DPRX: variants seen among roughly 807,000 people sequenced by gnomAD.
The protein encoded by DPRX is divergent paired-related homeobox.
DPRX carries 11 observed loss-of-function variants against 8.4 expected under a neutral mutation model. The ratio of observed to expected loss-of-function variants is 1.31; its 90% CI spans 0.82 to 2.17. DPRX has a LOEUF of 2.17. Ranked by LOEUF, DPRX falls within the 30% of genes most tolerant of loss-of-function variation. The pLI is 0.00. For synonymous variants in DPRX, 72 were observed against 87.0 expected (o/e 0.83, Z 0.96); for missense variants, 211 against 236.7 (o/e 0.89, Z 0.71).
the DPRX span, among the ~76,000 whole-genome samples, chr19:53,619,785 G>A: frequency 2.8e-4 from 42 of 150,918 alleles, no homozygotes; most frequent in Middle Eastern, 3.4e-3. Context: ...AACCTGGGAG[G>A]TGGAGATTGC....
intron 2 of DPRX, 144 bp downstream of exon 2, chr19:53,634,829 T>C: frequency 8.3e-7 from 1 of 1,200,986 alleles, no homozygotes; most frequent in Non-Finnish European, 1.1e-6. Context: ...CCCGTAAACC[T>C]TTCTTCAACC....
chr19:53,626,896 T>A, the DPRX span, among the ~76,000 whole-genome samples: 1 of 151,990 alleles, frequency 6.6e-6, no homozygotes, highest in Admixed American at 6.6e-5. Flanking sequence ...GAGTCAGGGT[T>A]TCACTATGTT....
the DPRX span, among the ~76,000 whole-genome samples, chr19:53,620,766 G>C: frequency 6.6e-6 from 1 of 151,842 alleles, no homozygotes; most frequent in Non-Finnish European, 1.5e-5. Flanking sequence ...TCTAAATTTT[G>C]TATTTTTAGT....
the DPRX span, among the ~76,000 whole-genome samples, chr19:53,621,504 T>C: frequency 6.6e-6 from 1 of 152,064 alleles, no homozygotes; most frequent in African/African-American, 2.4e-5. Flanking sequence ...TATATAAAAT[T>C]TTCAATACAG....
chr19:53,618,809 A>C, the DPRX span, among the ~76,000 whole-genome samples: 1 of 151,794 alleles, frequency 6.6e-6, no homozygotes, highest in Admixed American at 6.6e-5. Context: ...CAGCCTCCCA[A>C]GTAGCTGGGA....
chr19:53,632,995 C>T (rs755805080), intron 1 of DPRX, among the ~76,000 whole-genome samples: 11 of 152,010 alleles, frequency 7.2e-5, no homozygotes, highest in Non-Finnish European at 7.4e-5. Context: ...AGGCATGATG[C>T]GATTCAGATC....
the DPRX span, among the ~76,000 whole-genome samples, chr19:53,619,197 G>A: frequency 6.6e-6 from 1 of 152,094 alleles, no homozygotes; most frequent in Non-Finnish European, 1.5e-5. Flanking sequence ...CAAGAGGGAG[G>A]TAGCAGGGAG....
At position 53,636,741 on chromosome 19, in the gene DPRX, T is replaced by G. The variant is rs368484033; in HGVS notation, c.329T>G (p.Leu110Trp). The stretch of plus-strand genomic sequence containing the variant: ...AGAAATGCAGACACACTACCCAGAT[T>G]GCCCAACGCTGCTCACCCGATCGGC... Residue 110 changes from leucine (L) to tryptophan (W), a missense_variant, in exon 3 of 3, where the codon TTG becomes TGG. Physicochemically the swap from Leu to Trp is moderately conservative, Grantham distance 61. Transcript: ENST00000376650. 46 of 1,614,154 alleles carry G rather than the reference T, an allele frequency of 2.8e-5. No individual in the cohort carries two copies. In the South Asian group the frequency reaches 4.8e-4, roughly 17 times the overall value.
At chr19:53,605,877 C>T in the DPRX span, among the ~76,000 whole-genome samples, 1 of 151,732 alleles carries the variant, frequency 6.6e-6, no homozygotes, top group Admixed American at 6.6e-5. Context: ...CTGTGTTGCC[C>T]AGGGTGGTCT....
chr19:53,602,222 G>C, the DPRX span: 11 of 434,306 alleles, frequency 2.5e-5, no homozygotes, highest in South Asian at 6.6e-5. Context: ...AATAAGTGAA[G>C]ATCTCGGGCC....
chr19:53,629,983 G>GTCCT (rs200021305), upstream of DPRX: 1 of 151,316 alleles, frequency 6.6e-6, no homozygotes, highest in African/African-American at 2.4e-5. Context: ...AAGGCAGATG[G>GTCCT]ATCACCTGAG....
the DPRX span, among the ~76,000 whole-genome samples, chr19:53,609,675 G>A: frequency 6.6e-6 from 1 of 151,976 alleles, no homozygotes; most frequent in South Asian, 2.1e-4. Flanking sequence ...AGACCAGCCT[G>A]ACCAACATGG....
chr19:53,608,981 AAAAGAAAGAAAGAG>A, the DPRX span, among the ~76,000 whole-genome samples: 1 of 140,166 alleles, frequency 7.1e-6, no homozygotes, highest in East Asian at 2.2e-4. Context: ...AAAAGGAAAG[AAAAGAAAGAAAGAG>A]AAAGAAAGAA....
upstream of DPRX, among the ~76,000 whole-genome samples, chr19:53,627,956 C>T (rs147172956): frequency 0.011 from 1,741 of 151,520 alleles, 37 homozygotes; most frequent in African/African-American, 0.039. Flanking sequence ...TGCTTGAATC[C>T]GGGAGGCGGA....
chr19:53,623,669 C>T, the DPRX span, among the ~76,000 whole-genome samples: 18 of 150,534 alleles, frequency 1.2e-4, no homozygotes, highest in Non-Finnish European at 2.2e-4. Flanking sequence ...CCTGGCCTGG[C>T]GCAATGGCTC....
At chr19:53,604,959 A>G in the DPRX span, among the ~76,000 whole-genome samples, 2 of 152,140 alleles carry the variant, frequency 1.3e-5, no homozygotes, top group Admixed American at 1.3e-4. Flanking sequence ...TACATCTTGT[A>G]TACATGTATG....
the DPRX span, among the ~76,000 whole-genome samples, chr19:53,622,674 G>C: frequency 2.6e-5 from 4 of 151,970 alleles, no homozygotes; most frequent in African/African-American, 4.8e-5. Flanking sequence ...TCATTTCTCT[G>C]CCCAGTGCTT....
chr19:53,624,035 C>T, the DPRX span, among the ~76,000 whole-genome samples: 2 of 147,646 alleles, frequency 1.4e-5, no homozygotes, highest in East Asian at 2.0e-4. Context: ...AATAAATATG[C>T]GATGTAAAGA....
upstream of DPRX, among the ~76,000 whole-genome samples, chr19:53,628,637 A>T (rs1044679371): frequency 5.8e-4 from 88 of 151,440 alleles, no homozygotes; most frequent in African/African-American, 1.9e-3. Context: ...TTGCCCGGGC[A>T]GGAGGGCAAT....
Sources: gnomAD v4.1 joint callset for allele counts (sites outside exome capture counted in the v4.1 genomes callset) on GRCh38, gnomAD v4.1.1 for gene constraint, MANE v1.5 for transcripts, NCBI Gene and HGNC (gene_info 2026-07-23, HGNC 2026-07-21) for gene names.